LDLRAD3: variants seen among roughly 807,000 people sequenced by gnomAD.
LDLRAD3 encodes low-density lipoprotein receptor class A domain-containing protein 3.
Under a neutral mutation model 29.4 loss-of-function variants are expected in LDLRAD3, and 20 were observed. The observed-to-expected ratio is 0.68, with a 90% confidence interval of 0.48 to 0.99. The LOEUF is 0.99. Among genes scored for constraint, LDLRAD3 ranks in the 50% least tolerant of loss-of-function variants. The pLI, the probability that LDLRAD3 is intolerant of heterozygous loss-of-function variation, is 0.00. For synonymous variants in LDLRAD3, 157 were observed against 192.7 expected (o/e 0.81, Z 1.53); for missense variants, 420 against 454.3 (o/e 0.92, Z 0.69).
intron 4 of LDLRAD3, chr11:36,196,218 A>G (rs1229778048): frequency 6.6e-6 from 1 of 152,200 alleles, no homozygotes; most frequent in East Asian, 1.9e-4. Flanking sequence ...AATGGTAGAA[A>G]ATGTGTTCTT....
intron 1 of LDLRAD3, among the ~76,000 whole-genome samples, chr11:36,013,203 C>T (rs1437372461): frequency 6.6e-6 from 1 of 152,090 alleles, no homozygotes; most frequent in East Asian, 1.9e-4. Context: ...ACATTTTTTT[C>T]TGAAATTGTG....
intron 2 of LDLRAD3, among the ~76,000 whole-genome samples, chr11:36,072,777 G>A (rs77896627): frequency 6.6e-6 from 1 of 152,196 alleles, no homozygotes; most frequent in Admixed American, 6.5e-5. Context: ...TGGACTGCCT[G>A]TGTGCCCCAG....
chr11:36,000,199 T>C (rs1017264216), intron 1 of LDLRAD3, among the ~76,000 whole-genome samples: 3 of 150,292 alleles, frequency 2.0e-5, no homozygotes, highest in Admixed American at 1.3e-4. Flanking sequence ...TATGTACATA[T>C]TATATAGCAT....
intron 4 of LDLRAD3, among the ~76,000 whole-genome samples, chr11:36,115,985 G>A (rs1018193450): frequency 6.6e-6 from 1 of 152,184 alleles, no homozygotes; most frequent in Non-Finnish European, 1.5e-5. Context: ...GTTCTGGATA[G>A]GTCAGGCAAC....
At chr11:36,118,763 T>A (rs913621296) in intron 4 of LDLRAD3, among the ~76,000 whole-genome samples, 13 of 152,112 alleles carry the variant, frequency 8.5e-5, no homozygotes, top group African/African-American at 1.4e-4. Context: ...TAGACAGCCA[T>A]CCCCACTGTC....
intron 3 of LDLRAD3, among the ~76,000 whole-genome samples, chr11:36,087,747 C>A (rs1853216970): frequency 6.6e-6 from 1 of 151,848 alleles, no homozygotes; most frequent in African/African-American, 2.4e-5. Flanking sequence ...GTCTCACTCT[C>A]ATTTTCTAGG....
intron 1 of LDLRAD3, among the ~76,000 whole-genome samples, chr11:35,947,767 A>G (rs1851076321): frequency 6.6e-6 from 1 of 152,064 alleles, no homozygotes; most frequent in Non-Finnish European, 1.5e-5. Flanking sequence ...TTTGCCCCCT[A>G]CCTGGGCTTT....
At chr11:36,159,576 T>C (rs886227589) in intron 4 of LDLRAD3, among the ~76,000 whole-genome samples, 3 of 102,616 alleles carry the variant, frequency 2.9e-5, no homozygotes, top group African/African-American at 3.8e-5. Flanking sequence ...CTGGTCAACA[T>C]AGTAAAACAC....
chr11:36,045,972 AC>A (rs1377286622), intron 2 of LDLRAD3, among the ~76,000 whole-genome samples: 2 of 149,432 alleles, frequency 1.3e-5, no homozygotes, highest in Non-Finnish European at 3.0e-5. Context: ...TTCGTCCCCC[AC>A]CCCCAACAGG....
At chr11:36,219,463 C>G (rs1855399218) in intron 4 of LDLRAD3, among the ~76,000 whole-genome samples, 1 of 152,064 alleles carries the variant, frequency 6.6e-6, no homozygotes, top group South Asian at 2.1e-4. Flanking sequence ...TTGTATAGCT[C>G]AATCATACAA....
intron 4 of LDLRAD3, among the ~76,000 whole-genome samples, chr11:36,186,588 AC>A (rs1457141721): frequency 6.6e-6 from 1 of 152,178 alleles, no homozygotes. Context: ...GCTAGGAGAA[AC>A]CCAAATTAGG....
In LDLRAD3 at chr11:36,227,486, G is replaced by A. The variant is rs145341260; in HGVS notation, c.800+56G>A. ...GAGAGGTCATCCATTGCGGGGAGGG[G>A]AATAGGTGCACACACTGAGGTTCTT... On this transcript the variant is annotated intron_variant, in intron 5 of 5. Coordinates refer to ENST00000315571, the MANE Select transcript of LDLRAD3 (RefSeq NM_174902.4). The A allele has an allele frequency of 8.4e-4, 1,102 of 1,316,092 alleles. 16 individuals carry two copies. In the East Asian group the frequency reaches 0.023, roughly 27 times the overall value. 81.5% of individuals were successfully genotyped at this position (1,316,092 alleles called of 1,614,324 possible). A position where few individuals can be genotyped will look rare whatever the true frequency, so the allele number is the denominator to read the frequency against.
At chr11:36,032,380 C>G (rs1260067491) in intron 1 of LDLRAD3, among the ~76,000 whole-genome samples, 1 of 152,070 alleles carries the variant, frequency 6.6e-6, no homozygotes, top group African/African-American at 2.4e-5. Context: ...CCATGCTGGG[C>G]TTTGTAAACT....
chr11:36,108,695 C>T (rs1234139180), intron 4 of LDLRAD3, among the ~76,000 whole-genome samples: 2 of 152,006 alleles, frequency 1.3e-5, no homozygotes, highest in Non-Finnish European at 2.9e-5. Context: ...TAAGCAGATC[C>T]CAAGGTGAGA....
intron 4 of LDLRAD3, chr11:36,101,772 T>C (rs1271738880): frequency 4.9e-6 from 1 of 205,796 alleles, no homozygotes; most frequent in African/African-American, 2.4e-5. Context: ...ATCAGTGCTG[T>C]GGGAAAACTG....
intron 1 of LDLRAD3, among the ~76,000 whole-genome samples, chr11:35,955,204 C>T (rs553614261): frequency 2.0e-5 from 3 of 152,138 alleles, no homozygotes; most frequent in Non-Finnish European, 4.4e-5. Flanking sequence ...GAGATTGCAC[C>T]ACTGCACTCC....
chr11:36,139,134 T>A (rs1188740413), intron 4 of LDLRAD3, among the ~76,000 whole-genome samples: 2 of 152,238 alleles, frequency 1.3e-5, no homozygotes, highest in East Asian at 3.9e-4. Flanking sequence ...TCTTTTGGAC[T>A]GGCAAACTCT....
At chr11:36,026,123 A>T (rs1852164059) in intron 1 of LDLRAD3, among the ~76,000 whole-genome samples, 1 of 152,106 alleles carries the variant, frequency 6.6e-6, no homozygotes, top group African/African-American at 2.4e-5. Context: ...AAAAATCTGT[A>T]TGTACCCATT....
chr11:36,132,283 T>C (rs1853937993), intron 4 of LDLRAD3, among the ~76,000 whole-genome samples: 1 of 152,154 alleles, frequency 6.6e-6, no homozygotes, highest in Non-Finnish European at 1.5e-5. Flanking sequence ...CCACTGTCTC[T>C]TGTTGGAAAA....
Sources: allele counts gnomAD v4.1 joint callset (sites outside exome capture counted in the v4.1 genomes callset), GRCh38; gene constraint gnomAD v4.1.1; transcripts MANE v1.5; gene names NCBI Gene and HGNC (gene_info 2026-07-23, HGNC 2026-07-21).